IQSEC1: variants seen among roughly 807,000 people sequenced by gnomAD.
The protein encoded by IQSEC1 is IQ motif and SEC7 domain-containing protein 1.
In IQSEC1, 31 loss-of-function variants were observed where a neutral mutation model predicts 91.0. That is an observed-to-expected ratio of 0.34 (90% CI 0.26 to 0.46). The LOEUF (loss-of-function observed/expected upper bound fraction) is 0.46, where lower values mean the gene tolerates loss of function less well. Among genes scored for constraint, IQSEC1 ranks in the 20% least tolerant of loss-of-function variants. The pLI is 1.00. For synonymous variants in IQSEC1, 699 were observed against 662.6 expected (o/e 1.05, Z -0.84); for missense variants, 1,388 against 1,575.6 (o/e 0.88, Z 2.02).
intron 1 of IQSEC1, among the ~76,000 whole-genome samples, chr3:13,059,256 C>T (rs370487769): frequency 6.6e-6 from 1 of 152,158 alleles, no homozygotes; most frequent in African/African-American, 2.4e-5. Context: ...ACCCATCAGA[C>T]CCCCAGGCCA....
intron 2 of IQSEC1, among the ~76,000 whole-genome samples, chr3:13,084,175 C>A (rs1705696358): frequency 6.6e-6 from 1 of 152,242 alleles, no homozygotes; most frequent in African/African-American, 2.4e-5. Flanking sequence ...GTTTTTCCAG[C>A]TCAGGTGGGG....
At chr3:13,195,155 CA>C (rs1694104097) in intron 1 of IQSEC1, among the ~76,000 whole-genome samples, 1 of 152,186 alleles carries the variant, frequency 6.6e-6, no homozygotes, top group South Asian at 2.1e-4. Flanking sequence ...AGTAAAACAC[CA>C]AACAATCCAG....
intron 1 of IQSEC1, among the ~76,000 whole-genome samples, chr3:13,182,106 G>A (rs899752189): frequency 1.3e-5 from 2 of 152,236 alleles, no homozygotes; most frequent in African/African-American, 4.8e-5. Flanking sequence ...GGTCTGCAGA[G>A]CTACCTTTCA....
At chr3:13,029,991 A>T (rs1703783006) in intron 1 of IQSEC1, among the ~76,000 whole-genome samples, 1 of 152,078 alleles carries the variant, frequency 6.6e-6, no homozygotes, top group Non-Finnish European at 1.5e-5. Flanking sequence ...TTATTTTGAG[A>T]TGAGGTCTCG....
At chr3:13,145,019 C>G (rs1706864968) in intron 2 of IQSEC1, among the ~76,000 whole-genome samples, 1 of 152,208 alleles carries the variant, frequency 6.6e-6, no homozygotes, top group Non-Finnish European at 1.5e-5. Context: ...AGACCCAAAA[C>G]AGATGGGCAG....
In IQSEC1 at chr3:12,970,064, T is replaced by C. The variant is rs1700819024; in HGVS notation, c.24-28199A>G. ...CACCATTCAGGCAAATTGCTTAGTT[T>C]TCTGAGTCTCAGTTTCTGCAACTGT... is the stretch of plus-strand genomic sequence containing the variant. On this transcript the variant is annotated intron_variant, in intron 1 of 13. Transcript: ENST00000613206. This position sits in a 1 kb window ranked among gnomAD's most constrained non-coding sequence, Gnocchi z 4.4. 6.6e-6 allele frequency among the ~76,000 whole-genome samples: 1 copy of C among 152,242 alleles called. No individual in the cohort carries two copies. The highest frequency in any genetic ancestry group is 2.4e-5 in the African/African-American group (1 of 41,460).
chr3:13,194,433 T>C (rs1287490462), intron 1 of IQSEC1, among the ~76,000 whole-genome samples: 4 of 152,170 alleles, frequency 2.6e-5, no homozygotes, highest in African/African-American at 4.8e-5. Flanking sequence ...GTCCCTCAGG[T>C]GCCGGGAGTG....
Position 12,899,513 on chromosome 3 carries a change from C to T in IQSEC1, c.*1470G>A, listed in dbSNP as rs535768350. 14 of 1,552,936 alleles carry T rather than the reference C, an allele frequency of 9.0e-6. No homozygotes were observed. The African/African-American group carries it at 1.6e-4, about 18-fold the overall frequency. The stretch of plus-strand genomic sequence containing the variant: ...TGGCCCTGGGGAGCGCATGGTGTCA[C>T]CACAACACAGAAGCGACAAGAGCAC... On this transcript the variant is annotated 3_prime_UTR_variant, in exon 14 of 14. Coordinates refer to ENST00000613206, the MANE Select transcript of IQSEC1 (RefSeq NM_001134382.3).
intron 1 of IQSEC1, among the ~76,000 whole-genome samples, chr3:13,003,276 CAAAAAAAAAA>C (rs56239928): frequency 1.8e-5 from 1 of 57,106 alleles, no homozygotes; most frequent in Non-Finnish European, 3.2e-5. Flanking sequence ...CTGTCTCTAC[CAAAAAAAAAA>C]AAAAAAAAAA....
chr3:13,200,686 T>C (rs939426711), intron 1 of IQSEC1, among the ~76,000 whole-genome samples: 4 of 152,192 alleles, frequency 2.6e-5, no homozygotes, highest in African/African-American at 9.7e-5. Flanking sequence ...TGGGCTGCTT[T>C]CCGGAAGATG....
intron 1 of IQSEC1, among the ~76,000 whole-genome samples, chr3:12,981,014 G>C (rs905078112): frequency 3.3e-5 from 5 of 152,214 alleles, no homozygotes; most frequent in African/African-American, 1.2e-4. Context: ...GTTCAGGTGA[G>C]TTTCTGTCAA....
chr3:12,964,838 TGCACACACAC>T (rs1700460754), intron 1 of IQSEC1, among the ~76,000 whole-genome samples: 1 of 151,942 alleles, frequency 6.6e-6, no homozygotes, highest in South Asian at 2.1e-4. Flanking sequence ...TGCACACACA[TGCACACACAC>T]ATATACTGAG....
chr3:13,235,077 T>C (rs978707009), intron 1 of IQSEC1, among the ~76,000 whole-genome samples: 4 of 152,138 alleles, frequency 2.6e-5, no homozygotes, highest in African/African-American at 7.2e-5. Flanking sequence ...CGTGTGTCTG[T>C]GCATTTTATT....
intron 1 of IQSEC1, among the ~76,000 whole-genome samples, chr3:13,224,694 A>G (rs1694721853): frequency 6.6e-6 from 1 of 151,872 alleles, no homozygotes; most frequent in African/African-American, 2.4e-5. Context: ...CCAGGAGGGT[A>G]GCTTCGACTG....
At chr3:13,183,569 C>T (rs984610153) in intron 1 of IQSEC1, among the ~76,000 whole-genome samples, 2 of 146,964 alleles carry the variant, frequency 1.4e-5, no homozygotes, top group African/African-American at 5.0e-5. Flanking sequence ...CCATCTCAAA[C>T]AAAAAAAAAG....
chr3:13,245,251 T>C (rs1361283282), intron 1 of IQSEC1, among the ~76,000 whole-genome samples: 1 of 152,066 alleles, frequency 6.6e-6, no homozygotes, highest in East Asian at 1.9e-4. Context: ...CTCCTCCACG[T>C]GGTGTCTCAT....
At chr3:13,137,320 A>C (rs1317221762) in intron 2 of IQSEC1, among the ~76,000 whole-genome samples, 1 of 152,248 alleles carries the variant, frequency 6.6e-6, no homozygotes, top group Non-Finnish European at 1.5e-5. Flanking sequence ...AATAAACTGT[A>C]GAATATTGAC....
In IQSEC1 at chr3:13,181,150, A is replaced by T. The variant is rs150007880; in HGVS notation, c.273-17017T>A. ...GCCGGGCGTGGTGGCGGGCGCCTGT[A>T]GTCCCAGCGACTCAGGAGGCTGAGG... On this transcript the variant is annotated intron_variant, in intron 1 of 15. Transcript: ENST00000648114. Among the ~76,000 whole-genome samples the T allele has an allele frequency of 2.9e-3, 436 of 152,342 alleles. 4 individuals are homozygous for T. The highest frequency in any genetic ancestry group is 0.01 in the African/African-American group (417 of 41,588).
At chr3:13,150,582 A>G (rs1320319433) in intron 2 of IQSEC1, among the ~76,000 whole-genome samples, 1 of 152,224 alleles carries the variant, frequency 6.6e-6, no homozygotes, top group Non-Finnish European at 1.5e-5. Flanking sequence ...GAGTCGGGGC[A>G]GCAGGAGTTC....
Sources: allele counts gnomAD v4.1 joint callset (sites outside exome capture counted in the v4.1 genomes callset), GRCh38; gene constraint gnomAD v4.1.1; non-coding constraint Gnocchi (gnomAD v3.1); transcripts MANE v1.5; gene names NCBI Gene and HGNC (gene_info 2026-07-23, HGNC 2026-07-21).